Variants in ZNF557 observed in about 807,000 individuals in gnomAD.
ZNF557 encodes CTB-25J19.9.
Under a neutral mutation model 21.2 loss-of-function variants are expected in ZNF557, and 19 were observed. That is an observed-to-expected ratio of 0.90 (90% CI 0.63 to 1.32). The LOEUF is 1.32. Ranked by LOEUF, ZNF557 falls within the 40% of genes most tolerant of loss-of-function variation. The pLI, the probability that ZNF557 is intolerant of heterozygous loss-of-function variation, is 0.00. For missense variants in ZNF557, 487 were observed against 519.8 expected, an observed-to-expected ratio of 0.94 and a Z score of 0.61; for synonymous variants, 207 against 194.8, an observed-to-expected ratio of 1.06 and a Z score of -0.52.
intron 2 of ZNF557, among the ~76,000 whole-genome samples, chr19:7,071,017 C>T (rs769272304): frequency 2.8e-4 from 43 of 152,082 alleles, no homozygotes; most frequent in Non-Finnish European, 5.3e-4. Context: ...CCACCCACCT[C>T]GGCCTCCTAA....
rs142113377 is a variant in ZNF557 at position 7,074,977 on chromosome 19, T to C, written c.-79-19T>C. The C allele has an allele frequency of 1.3e-4, 199 of 1,591,366 alleles. 1 individual carries two copies. The East Asian group carries it at 4.3e-3, about 35-fold the overall frequency. The stretch of plus-strand genomic sequence containing the variant: ...TGGAGGGGGTGACCGAGGCAGAGTG[T>C]TCCCCCCATTTCTTCCAGGGTGCTG... On this transcript the variant is annotated intron_variant, in intron 2 of 7. Transcript: ENST00000252840.
chr19:7,076,533 T>G (rs1386350596), intron 5 of ZNF557, 26 bp downstream of exon 5: 2 of 1,605,530 alleles, frequency 1.2e-6, no homozygotes, highest in South Asian at 2.2e-5. Context: ...TTCCTGCATT[T>G]ATTTAATGAC....
chr19:7,070,756 CAGTG>C (rs922542177), intron 2 of ZNF557, 103 bp downstream of exon 2: 5 of 137,148 alleles, frequency 3.6e-5, no homozygotes, highest in Non-Finnish European at 7.7e-5. Flanking sequence ...GACTCACTAA[CAGTG>C]AGGGTATTTT....
rs943116888 is a variant in ZNF557, at chr19:7,087,469, AGAGG to A, written c.*3726_*3729del. ...GCAGGAGAATTGCTTCAAACTGGGC[AGAGG>A]TTGCAGTGAGCCAAGGTTGACCCAC... On this transcript the variant is annotated 3_prime_UTR_variant, in exon 8 of 8. Coordinates refer to ENST00000252840, the MANE Select transcript of ZNF557 (RefSeq NM_024341.3). The A allele has an allele frequency of 1.2e-4, 18 of 151,330 alleles. No homozygotes were observed. Among genetic ancestry groups the A allele is most frequent in the African/African-American group, 4.1e-4 (17 of 41,284 alleles). The allele number at this position is 151,330 out of a possible 1,614,324, so 9.4% of individuals were successfully genotyped here.
intron 5 of ZNF557, 81 bp downstream of exon 5, chr19:7,076,588 CAG>C (rs1312285044): frequency 3.9e-6 from 6 of 1,547,968 alleles, no homozygotes; most frequent in Non-Finnish European, 4.4e-6. Context: ...TGAGGTAACA[CAG>C]GACACAAAAG....
intron 3 of ZNF557, 35 bp downstream of exon 3, chr19:7,075,140 A>C: frequency 6.2e-7 from 1 of 1,613,776 alleles, no homozygotes; most frequent in African/African-American, 1.3e-5. Flanking sequence ...CTCAGAGTCC[A>C]GGCTTGAAAG....
intron 4 of ZNF557, 44 bp downstream of exon 4, chr19:7,075,787 A>G (rs777160566): frequency 1.2e-6 from 2 of 1,602,342 alleles, no homozygotes; most frequent in Admixed American, 3.4e-5. Context: ...TCCTTCAGCC[A>G]GAAGGTTGGA....
At chr19:7,075,566 G>A (rs1307744629) in intron 3 of ZNF557, 89 bp from the exon 4 acceptor site, 154 of 1,317,354 alleles carry the variant, frequency 1.2e-4, no homozygotes, top group Non-Finnish European at 1.6e-4. Context: ...TGGGGACCTG[G>A]TCGATCGCAG....
At position 7,083,287 on chromosome 19, in the gene ZNF557, T is replaced by C; in HGVS notation, c.836T>C (p.Phe279Ser). The C allele has an allele frequency of 6.2e-7, 1 of 1,614,206 alleles. No homozygotes were observed. Among genetic ancestry groups the C allele is most frequent in the Non-Finnish European group, 8.5e-7 (1 of 1,180,032 alleles). ...CFREFRTQSIFTRHKRVHTGE... is the reference protein window; with the variant it reads ...CFREFRTQSISTRHKRVHTGE... ...CGTGAGTTCCGCACTCAGTCAATCT[T>C]CACAAGGCACAAGAGAGTTCATACG... Residue 279 changes from phenylalanine (F) to serine (S), a missense_variant, in exon 8 of 8, where the codon TTC (phenylalanine) becomes TCC (serine). Phe to Ser is a radical substitution (Grantham distance 155). Coordinates refer to ENST00000252840, the MANE Select transcript of ZNF557 (RefSeq NM_024341.3).
Position 7,083,408 on chromosome 19 carries a change from T to TTA in ZNF557, c.958_959dup (p.Glu321ThrfsTer16), listed in dbSNP as rs1204841350. On this transcript the variant is annotated frameshift_variant, in exon 8 of 8. Coordinates refer to ENST00000252840, the MANE Select transcript of ZNF557 (RefSeq NM_024341.3). LOFTEE classifies it low-confidence loss of function (END_TRUNC). ...ATAGCATTCATACAGGGGAGTACCC[T>TTA]TACGAATGCCACGATTGTGGGAGAA... 15 of 1,614,156 alleles carry TTA rather than the reference T, an allele frequency of 9.3e-6. No homozygotes were observed. The highest frequency in any genetic ancestry group is 1.2e-5 in the Non-Finnish European group (14 of 1,180,026).
intron 5 of ZNF557, among the ~76,000 whole-genome samples, chr19:7,079,190 T>A (rs1312148830): frequency 6.6e-6 from 1 of 151,410 alleles, no homozygotes. Context: ...TATGGAAAAT[T>A]TCTGTTCATT....
intron 5 of ZNF557, among the ~76,000 whole-genome samples, chr19:7,079,130 A>G (rs1249580041): frequency 6.6e-6 from 1 of 152,058 alleles, no homozygotes. Context: ...GCATATTTGA[A>G]ATAGTTGATT....
At chr19:7,080,660 C>T (rs1200026213) in intron 5 of ZNF557, among the ~76,000 whole-genome samples, 1 of 152,180 alleles carries the variant, frequency 6.6e-6, no homozygotes, top group Admixed American at 6.6e-5. Flanking sequence ...TTGTTGTCCT[C>T]AAGGCAAAAT....
At chr19:7,069,932 C>G (rs1378374105) in intron 1 of ZNF557, among the ~76,000 whole-genome samples, 159 bp downstream of exon 1, 2 of 152,260 alleles carry the variant, frequency 1.3e-5, no homozygotes, top group Non-Finnish European at 2.9e-5. Flanking sequence ...CTCACTCTGT[C>G]GTCCTCACCC....
chr19:7,083,808 TAAC>T lies in ZNF557; in HGVS notation c.*67_*69del. 2 of 1,520,180 alleles carry T rather than the reference TAAC, an allele frequency of 1.3e-6. No individual in the cohort carries two copies. Among genetic ancestry groups the T allele is most frequent in the Non-Finnish European group, 1.8e-6 (2 of 1,132,362 alleles). 94.2% of individuals were successfully genotyped at this position (1,520,180 alleles called of 1,614,324 possible). On this transcript the variant is annotated 3_prime_UTR_variant, in exon 8 of 8. Transcript: ENST00000252840. ...TGCCTCAGATAACATGAGCAAACTC[TAAC>T]AAGATGTATGAATCACCTGCTACTG... is the stretch of plus-strand genomic sequence containing the variant.
chr19:7,072,773 A>G (rs891778891), intron 2 of ZNF557, among the ~76,000 whole-genome samples: 16 of 152,146 alleles, frequency 1.1e-4, no homozygotes, highest in African/African-American at 2.4e-4. Context: ...CCTCTGCCAT[A>G]TCACATATCA....
intron 5 of ZNF557, among the ~76,000 whole-genome samples, chr19:7,081,150 GGTGT>G (rs531191945): frequency 0.05 from 6,992 of 138,942 alleles, 156 homozygotes; most frequent in Non-Finnish European, 0.057. Context: ...TTGCTTGTGG[GGTGT>G]GTGTGTGTGT....
intron 2 of ZNF557, among the ~76,000 whole-genome samples, chr19:7,073,527 A>G (rs1014804153): frequency 1.3e-5 from 2 of 152,122 alleles, no homozygotes; most frequent in African/African-American, 2.4e-5. Flanking sequence ...AAATATATAA[A>G]CTTTTCACAT....
intron 2 of ZNF557, among the ~76,000 whole-genome samples, chr19:7,072,108 TCC>T (rs1442192524): frequency 6.1e-4 from 47 of 76,800 alleles, no homozygotes; most frequent in Middle Eastern, 0.014. Flanking sequence ...AGAGCGAGAC[TCC>T]GTCTCAAAAA....
Sources: gnomAD v4.1 joint callset for allele counts (sites outside exome capture counted in the v4.1 genomes callset) on GRCh38, gnomAD v4.1.1 for gene constraint, MANE v1.5 for transcripts, NCBI Gene and HGNC (gene_info 2026-07-23, HGNC 2026-07-21) for gene names.